The following ERBB4 variants were observed in gnomAD, a reference collection of about 807,000 sequenced individuals.
ERBB4 encodes the protein erb-b2 receptor tyrosine kinase 4, also known as receptor tyrosine-protein kinase erbB-4.
ERBB4 carries 42 observed loss-of-function variants against 158.0 expected under a neutral mutation model. The observed-to-expected ratio is 0.27, with a 90% CI of 0.21 to 0.34. The LOEUF (loss-of-function observed/expected upper bound fraction) is 0.34. Ranked by LOEUF, ERBB4 falls within the 10% of genes least tolerant of loss-of-function variation. The pLI is 1.00. For synonymous variants in ERBB4, 583 were observed against 558.7 expected, an observed-to-expected ratio of 1.04 and a Z score of -0.61; for missense variants, 1,333 against 1,624.1, an observed-to-expected ratio of 0.82 and a Z score of 3.08.
intron 1 of ERBB4, among the ~76,000 whole-genome samples, chr2:212,264,824 T>C (rs2085071730): frequency 6.6e-6 from 1 of 152,106 alleles, no homozygotes; most frequent in African/African-American, 2.4e-5. Flanking sequence ...GTAACCTGAG[T>C]AAATGATCAC....
At chr2:211,735,886 C>A (rs1199821992) in intron 5 of ERBB4, among the ~76,000 whole-genome samples, 1 of 151,892 alleles carries the variant, frequency 6.6e-6, no homozygotes, top group African/African-American at 2.4e-5. Context: ...AGCAGAGTGG[C>A]TCACGTCTGT....
At chr2:211,499,392 G>A in intron 20 of ERBB4, among the ~76,000 whole-genome samples, 1 of 151,930 alleles carries the variant, frequency 6.6e-6, no homozygotes, top group East Asian at 1.9e-4. Flanking sequence ...GTGTGGTGGT[G>A]TGTGCCTGTC....
chr2:212,356,177 G>C (rs1436192906), intron 1 of ERBB4, among the ~76,000 whole-genome samples: 1 of 151,966 alleles, frequency 6.6e-6, no homozygotes, highest in Admixed American at 6.6e-5. Flanking sequence ...ATTACTCGCT[G>C]TTCCAAACTG....
At chr2:211,416,720 C>T (rs2125394371) in intron 25 of ERBB4, among the ~76,000 whole-genome samples, 1 of 152,142 alleles carries the variant, frequency 6.6e-6, no homozygotes, top group South Asian at 2.1e-4. Context: ...AGAAAAAAGT[C>T]AAACATGCAC....
chr2:212,305,151 C>T (rs1292602309), intron 1 of ERBB4, among the ~76,000 whole-genome samples: 1 of 151,360 alleles, frequency 6.6e-6, no homozygotes, highest in Admixed American at 6.6e-5. Context: ...AAACCAGATA[C>T]AATAATAACT....
At chr2:211,854,184 T>A (rs553211305) in intron 3 of ERBB4, among the ~76,000 whole-genome samples, 1 of 152,104 alleles carries the variant, frequency 6.6e-6, no homozygotes, top group African/African-American at 2.4e-5. Context: ...AATATAGAGA[T>A]GATTATTAGG....
At chr2:211,580,345 A>G (rs2068029163) in intron 19 of ERBB4, among the ~76,000 whole-genome samples, 1 of 152,190 alleles carries the variant, frequency 6.6e-6, no homozygotes, top group Non-Finnish European at 1.5e-5. Flanking sequence ...GGACACGAAT[A>G]GACAATTCTC....
intron 25 of ERBB4, among the ~76,000 whole-genome samples, chr2:211,393,412 A>G (rs547397847): frequency 5.3e-5 from 8 of 152,340 alleles, no homozygotes; most frequent in Admixed American, 4.6e-4. Context: ...ATAGTTGGCT[A>G]TCTGACCACA....
At chr2:212,329,087 A>G (rs544326422) in intron 1 of ERBB4, among the ~76,000 whole-genome samples, 3 of 152,194 alleles carry the variant, frequency 2.0e-5, no homozygotes, top group Admixed American at 2.0e-4. Context: ...TTAATTTAAA[A>G]CCACTTCAGT....
intron 20 of ERBB4, among the ~76,000 whole-genome samples, chr2:211,452,428 G>A (rs558515208): frequency 6.6e-5 from 10 of 152,074 alleles, no homozygotes; most frequent in South Asian, 2.1e-4. Flanking sequence ...CACCCACCTC[G>A]GCCTCTCAAA....
At chr2:211,419,852 AAAATGTAAAGTG>A (rs2063478105) in intron 25 of ERBB4, among the ~76,000 whole-genome samples, 1 of 152,126 alleles carries the variant, frequency 6.6e-6, no homozygotes, top group Non-Finnish European at 1.5e-5. Flanking sequence ...TTTAACATTT[AAAATGTAAAGTG>A]TTTTCAGAAA....
At chr2:211,809,380 C>A (rs1245399194) in intron 3 of ERBB4, among the ~76,000 whole-genome samples, 3 of 152,148 alleles carry the variant, frequency 2.0e-5, no homozygotes, top group Non-Finnish European at 4.4e-5. Flanking sequence ...TGTTATTGGT[C>A]TATTCAGAGA....
chr2:211,806,855 T>G (rs773212861), intron 3 of ERBB4, among the ~76,000 whole-genome samples: 1 of 152,016 alleles, frequency 6.6e-6, no homozygotes, highest in Non-Finnish European at 1.5e-5. Flanking sequence ...AAAATCACAA[T>G]AATGTAAGTA....
intron 2 of ERBB4, among the ~76,000 whole-genome samples, chr2:212,099,736 G>GGT (rs536844896): frequency 1.4e-5 from 2 of 144,600 alleles, no homozygotes; most frequent in Non-Finnish European, 1.5e-5. Flanking sequence ...TTGTTTTACA[G>GGT]TTTTTTTTTT....
intron 1 of ERBB4, among the ~76,000 whole-genome samples, chr2:212,425,110 T>A (rs1450145082): frequency 6.6e-6 from 1 of 151,854 alleles, no homozygotes; most frequent in East Asian, 1.9e-4. Flanking sequence ...ACTGTCATTA[T>A]AAAATATTTG....
chr2:212,132,407 C>G (rs1029805504), intron 1 of ERBB4, among the ~76,000 whole-genome samples: 1 of 151,998 alleles, frequency 6.6e-6, no homozygotes, highest in African/African-American at 2.4e-5. Flanking sequence ...TCCATAAGGG[C>G]GTTTTCACAA....
At chr2:212,405,481 T>C (rs1169502131) in intron 1 of ERBB4, among the ~76,000 whole-genome samples, 1 of 152,086 alleles carries the variant, frequency 6.6e-6, no homozygotes, top group East Asian at 1.9e-4. Flanking sequence ...ATCCCATTAC[T>C]GGGTATATAC....
At chr2:211,447,190 C>T (rs2064131900) in intron 20 of ERBB4, among the ~76,000 whole-genome samples, 2 of 152,062 alleles carry the variant, frequency 1.3e-5, no homozygotes, top group African/African-American at 4.8e-5. Flanking sequence ...CTTTATATGA[C>T]TTTACAGTAT....
intron 1 of ERBB4, among the ~76,000 whole-genome samples, chr2:212,443,653 G>A (rs1260970711): frequency 6.6e-6 from 1 of 152,194 alleles, no homozygotes; most frequent in Non-Finnish European, 1.5e-5. Context: ...ACAGGTCCAG[G>A]CTGCTGTGCA....
Sources: allele counts gnomAD v4.1 joint callset (sites outside exome capture counted in the v4.1 genomes callset), GRCh38; gene constraint gnomAD v4.1.1; transcripts MANE v1.5; gene names NCBI Gene and HGNC (gene_info 2026-07-23, HGNC 2026-07-21).